PHLPP1: variants seen among roughly 807,000 people sequenced by gnomAD.
PHLPP1 encodes PH domain and leucine rich repeat protein phosphatase 1, also known as PH domain leucine-rich repeat-containing protein phosphatase 1.
PHLPP1 carries 42 observed loss-of-function variants against 117.2 expected under a neutral mutation model. The ratio of observed to expected loss-of-function variants is 0.36; its 90% CI spans 0.28 to 0.46. The LOEUF (loss-of-function observed/expected upper bound fraction) is 0.46. PHLPP1 is among the 20% of genes least tolerant of loss of function. PHLPP1 has a pLI of 1.00. For missense variants in PHLPP1, 2,084 were observed against 2,241.9 expected, an observed-to-expected ratio of 0.93 and a Z score of 1.42; for synonymous variants, 1,042 against 970.7, an observed-to-expected ratio of 1.07 and a Z score of -1.37.
chr18:62,757,096 G>C (rs1016402345), intron 1 of PHLPP1, among the ~76,000 whole-genome samples: 4 of 152,194 alleles, frequency 2.6e-5, no homozygotes, highest in African/African-American at 9.7e-5. Flanking sequence ...CAAGCAAAAT[G>C]TCATTATTTG....
intron 1 of PHLPP1, among the ~76,000 whole-genome samples, chr18:62,743,292 CT>C (rs71340110): frequency 1.3e-3 from 187 of 142,844 alleles, no homozygotes; most frequent in African/African-American, 2.1e-3. Flanking sequence ...TTAAAAACAG[CT>C]TTTTTTTTTT....
chr18:62,776,726 C>T (rs190211101), intron 1 of PHLPP1, among the ~76,000 whole-genome samples: 2 of 151,946 alleles, frequency 1.3e-5, no homozygotes, highest in East Asian at 1.9e-4. Context: ...TCTCCTGCCT[C>T]AGCCTCCCAA....
At chr18:62,823,474 A>G (rs1914524039) in intron 1 of PHLPP1, among the ~76,000 whole-genome samples, 1 of 151,818 alleles carries the variant, frequency 6.6e-6, no homozygotes, top group Non-Finnish European at 1.5e-5. Context: ...TTGAGGAGGG[A>G]GGATCATTTG....
At chr18:62,923,487 G>A (rs1056425211) in intron 10 of PHLPP1, among the ~76,000 whole-genome samples, 1 of 152,046 alleles carries the variant, frequency 6.6e-6, no homozygotes, top group Non-Finnish European at 1.5e-5. Flanking sequence ...TAATTATCTT[G>A]GGCAGACAGG....
intron 1 of PHLPP1, among the ~76,000 whole-genome samples, chr18:62,763,538 C>G (rs1312906642): frequency 6.6e-6 from 1 of 152,176 alleles, no homozygotes; most frequent in Non-Finnish European, 1.5e-5. Flanking sequence ...TCGCTCATCG[C>G]ACCCTTGTTT....
intron 1 of PHLPP1, among the ~76,000 whole-genome samples, chr18:62,776,735 A>G (rs1281184045): frequency 6.6e-6 from 1 of 151,102 alleles, no homozygotes; most frequent in Non-Finnish European, 1.5e-5. Flanking sequence ...TCAGCCTCCC[A>G]AGTAGCTGGG....
At chr18:62,947,883 A>G (rs573557) in intron 12 of PHLPP1, among the ~76,000 whole-genome samples, 83,120 of 151,638 alleles carry the variant, frequency 0.55, 23,502 homozygotes, top group African/African-American at 0.68. Context: ...AAAATAAGCC[A>G]GGCATGGTGG....
intron 4 of PHLPP1, among the ~76,000 whole-genome samples, chr18:62,879,382 A>G (rs1916119911): frequency 6.6e-6 from 1 of 151,568 alleles, no homozygotes; most frequent in Admixed American, 6.6e-5. Context: ...TTCTTTATAA[A>G]TTACCCAATG....
In PHLPP1 at chr18:62,978,146, C is replaced by A; in HGVS notation, c.3985-116C>A. On this transcript the variant is annotated intron_variant, in intron 16 of 16. Transcript: ENST00000262719. This position sits in a 1 kb window ranked among gnomAD's most constrained non-coding sequence, Gnocchi z 7.0. The stretch of plus-strand genomic sequence containing the variant: ...GAGCCCTTCTTTCCTCTGTGGGCCA[C>A]ACAGCACTTCTCTGTGGTCCTACAG... 1 of 625,480 alleles carries A rather than the reference C, an allele frequency of 1.6e-6. No individual in the cohort carries two copies. The highest frequency in any genetic ancestry group is 2.9e-6 in the Non-Finnish European group (1 of 350,642). 38.7% of individuals were successfully genotyped at this position (625,480 alleles called of 1,614,324 possible).
chr18:62,827,790 T>A (rs1273125727), intron 1 of PHLPP1, among the ~76,000 whole-genome samples: 3 of 152,218 alleles, frequency 2.0e-5, no homozygotes, highest in African/African-American at 7.2e-5. Flanking sequence ...CTGTTAAAGA[T>A]CCCTTCTGGC....
intron 1 of PHLPP1, among the ~76,000 whole-genome samples, chr18:62,790,729 CTG>C (rs1159509076): frequency 6.6e-6 from 1 of 152,200 alleles, no homozygotes; most frequent in African/African-American, 2.4e-5. Flanking sequence ...TAGGAAGAAA[CTG>C]TGGATAGAAA....
At chr18:62,766,182 G>A (rs527307498) in intron 1 of PHLPP1, among the ~76,000 whole-genome samples, 48 of 143,360 alleles carry the variant, frequency 3.3e-4, no homozygotes, top group Non-Finnish European at 6.8e-4. Context: ...AGGTGGAGAG[G>A]AAAACTGTTT....
intron 1 of PHLPP1, among the ~76,000 whole-genome samples, chr18:62,778,026 A>G (rs1913012923): frequency 6.6e-6 from 1 of 152,200 alleles, no homozygotes; most frequent in Non-Finnish European, 1.5e-5. Flanking sequence ...TGGAATCTCC[A>G]TGTCATACCA....
intron 1 of PHLPP1, among the ~76,000 whole-genome samples, chr18:62,779,085 G>T (rs1278118948): frequency 6.6e-6 from 1 of 152,108 alleles, no homozygotes; most frequent in Non-Finnish European, 1.5e-5. Flanking sequence ...ATTGCACTTA[G>T]AATGAAATCT....
At chr18:62,772,081 A>G (rs1308595916) in intron 1 of PHLPP1, among the ~76,000 whole-genome samples, 1 of 152,194 alleles carries the variant, frequency 6.6e-6, no homozygotes, top group Middle Eastern at 3.2e-3. Flanking sequence ...CTTCTGACGT[A>G]ACTGTGCTGT....
intron 9 of PHLPP1, among the ~76,000 whole-genome samples, chr18:62,917,970 C>T (rs934493394): frequency 1.3e-5 from 2 of 151,840 alleles, no homozygotes; most frequent in Admixed American, 6.6e-5. Context: ...ATGGGGAGGC[C>T]GAGGCAGGCG....
Position 62,715,633 on chromosome 18 carries a change from T to C in PHLPP1, c.-51T>C. 8.2e-7 allele frequency: 1 copy of C among 1,217,476 alleles called. No homozygotes were observed. The highest frequency in any genetic ancestry group is 1.0e-6 in the Non-Finnish European group (1 of 967,992). The allele number at this position is 1,217,476 out of a possible 1,614,324, so 75.4% of individuals were successfully genotyped here. On this transcript the variant is annotated 5_prime_UTR_variant, in exon 1 of 17. Coordinates refer to ENST00000262719, the MANE Select transcript of PHLPP1 (RefSeq NM_194449.4). ...TCCCACCTCCGCCTCATCGCCTCCCTCTCCGCCCGCTGCCTCCGGAGCTGG... is the reference window on the plus strand; with the variant it reads ...TCCCACCTCCGCCTCATCGCCTCCCCCTCCGCCCGCTGCCTCCGGAGCTGG...
chr18:62,837,536 G>A (rs1914940300), intron 2 of PHLPP1: 1 of 151,956 alleles, frequency 6.6e-6, no homozygotes, highest in South Asian at 2.1e-4. Flanking sequence ...TAGTTTTCTT[G>A]AAGAATCAGT....
intron 1 of PHLPP1, among the ~76,000 whole-genome samples, chr18:62,718,142 A>G (rs1910816857): frequency 6.6e-6 from 1 of 152,190 alleles, no homozygotes; most frequent in African/African-American, 2.4e-5. Context: ...GGAGCTATAG[A>G]TGCTGGATAT....
Sources: allele counts gnomAD v4.1 joint callset (sites outside exome capture counted in the v4.1 genomes callset), GRCh38; gene constraint gnomAD v4.1.1; non-coding constraint Gnocchi (gnomAD v3.1); transcripts MANE v1.5; gene names NCBI Gene and HGNC (gene_info 2026-07-23, HGNC 2026-07-21).